The following PARD3 variants were observed in gnomAD, a reference collection of about 807,000 sequenced individuals.
The protein encoded by PARD3 is par-3 family cell polarity regulator, also known as partitioning defective 3 homolog.
In PARD3, 75 loss-of-function variants were observed where a neutral mutation model predicts 155.4. That is an observed-to-expected ratio of 0.48 (90% CI 0.40 to 0.58). PARD3 has a LOEUF of 0.58. Among genes scored for constraint, PARD3 ranks in the 20% least tolerant of loss-of-function variants. The pLI, the probability that PARD3 is intolerant of heterozygous loss-of-function variation, is 0.00. For missense variants in PARD3, 1,642 were observed against 1,721.7 expected (o/e 0.95, Z 0.82); for synonymous variants, 576 against 610.5 (o/e 0.94, Z 0.83).
At chr10:34,403,046 A>G (rs182433651) in intron 5 of PARD3, among the ~76,000 whole-genome samples, 17 of 152,336 alleles carry the variant, frequency 1.1e-4, no homozygotes, top group African/African-American at 3.8e-4. Flanking sequence ...TCCAAACACA[A>G]TGATGGAGGC....
chr10:34,744,393 T>A (rs560862650), intron 1 of PARD3, among the ~76,000 whole-genome samples: 1 of 152,368 alleles, frequency 6.6e-6, no homozygotes, highest in East Asian at 1.9e-4. Flanking sequence ...TGGTCGTTTA[T>A]GATTTACCTT....
chr10:34,725,437 G>A (rs913625222), intron 1 of PARD3, among the ~76,000 whole-genome samples: 1 of 152,098 alleles, frequency 6.6e-6, no homozygotes, highest in African/African-American at 2.4e-5. Context: ...TTCCAGGTGT[G>A]AGCCACCACG....
At chr10:34,737,398 G>A (rs1435192233) in intron 1 of PARD3, among the ~76,000 whole-genome samples, 1 of 152,200 alleles carries the variant, frequency 6.6e-6, no homozygotes, top group Non-Finnish European at 1.5e-5. Flanking sequence ...CTGAAGTGGT[G>A]CGGTTACCTC....
chr10:34,121,419 A>C (rs181877812), intron 23 of PARD3, among the ~76,000 whole-genome samples: 109 of 152,344 alleles, frequency 7.2e-4, no homozygotes, highest in South Asian at 4.3e-3. Flanking sequence ...CAACAGGCAT[A>C]GTCTGAGTGA....
intron 21 of PARD3, among the ~76,000 whole-genome samples, chr10:34,280,180 C>T (rs911452674): frequency 2.6e-5 from 4 of 152,116 alleles, no homozygotes; most frequent in African/African-American, 9.7e-5. Flanking sequence ...TTCTTTCTGT[C>T]CCTCTTTCCC....
At chr10:34,437,414 A>G (rs965613423) in intron 5 of PARD3, among the ~76,000 whole-genome samples, 2 of 152,178 alleles carry the variant, frequency 1.3e-5, no homozygotes, top group African/African-American at 4.8e-5. Flanking sequence ...ATCCATGTAC[A>G]AAAAAAGCTT....
intron 2 of PARD3, among the ~76,000 whole-genome samples, chr10:34,632,043 A>AG (rs2092294243): frequency 1.3e-5 from 2 of 152,178 alleles, no homozygotes; most frequent in African/African-American, 2.4e-5. Flanking sequence ...GCACTTTGGA[A>AG]GGGGGAGGCT....
intron 23 of PARD3, among the ~76,000 whole-genome samples, chr10:34,125,821 G>T (rs1266888885): frequency 6.6e-6 from 1 of 152,230 alleles, no homozygotes; most frequent in Non-Finnish European, 1.5e-5. Flanking sequence ...CCCAACCTGG[G>T]ATGGAAAGGA....
At chr10:34,421,583 C>T (rs1846192879) in intron 5 of PARD3, among the ~76,000 whole-genome samples, 1 of 152,066 alleles carries the variant, frequency 6.6e-6, no homozygotes, top group African/African-American at 2.4e-5. Context: ...GCCATGAACT[C>T]TTTTCCTAGC....
intron 2 of PARD3, among the ~76,000 whole-genome samples, chr10:34,656,036 G>A (rs1590437985): frequency 6.6e-6 from 1 of 152,106 alleles, no homozygotes; most frequent in Non-Finnish European, 1.5e-5. Flanking sequence ...GATGACTTGG[G>A]AATGGCTCAC....
chr10:34,642,818 G>A (rs1017929562), intron 2 of PARD3, among the ~76,000 whole-genome samples: 1 of 151,988 alleles, frequency 6.6e-6, no homozygotes, highest in Non-Finnish European at 1.5e-5. Flanking sequence ...AGACTACAGG[G>A]CCTCTTACCT....
rs528281465 is a variant in PARD3, at chr10:34,745,148, G to T, written c.121-48729C>A. 1.0e-3 allele frequency among the ~76,000 whole-genome samples: 155 copies of T among 152,280 alleles called. 1 individual carries two copies. The Middle Eastern group carries it at 0.014, about 13-fold the overall frequency. On this transcript the variant is annotated intron_variant, in intron 1 of 24. Coordinates refer to ENST00000374788, the MANE Select transcript of PARD3 (RefSeq NM_001184785.2). ...AGGCCAAGGCAGGAGGATCACTTGA[G>T]GCCAGGAGTTTGCGACCAGCTTGGG...
intron 3 of PARD3, among the ~76,000 whole-genome samples, chr10:34,482,123 C>T (rs1206188400): frequency 2.1e-5 from 3 of 145,404 alleles, no homozygotes; most frequent in Non-Finnish European, 3.0e-5. Flanking sequence ...CATCCTTGAG[C>T]TCCTGAGCTC....
intron 2 of PARD3, among the ~76,000 whole-genome samples, chr10:34,631,249 C>G (rs958677495): frequency 1.3e-5 from 2 of 152,160 alleles, no homozygotes; most frequent in African/African-American, 4.8e-5. Flanking sequence ...CTTCAACCAT[C>G]AATCCAACAT....
At chr10:34,288,496 A>C (rs1956511927) in intron 20 of PARD3, among the ~76,000 whole-genome samples, 1 of 152,166 alleles carries the variant, frequency 6.6e-6, no homozygotes, top group African/African-American at 2.4e-5. Context: ...ACCCATATTC[A>C]CCCTAATAGC....
chr10:34,786,496 G>A (rs1015680159), intron 1 of PARD3, among the ~76,000 whole-genome samples: 8 of 152,234 alleles, frequency 5.3e-5, no homozygotes, highest in African/African-American at 1.9e-4. Context: ...AGGGATGGCA[G>A]AAGTCCACTG....
chr10:34,218,627 T>C (rs1042850359), intron 22 of PARD3, among the ~76,000 whole-genome samples: 1 of 152,150 alleles, frequency 6.6e-6, no homozygotes, highest in Non-Finnish European at 1.5e-5. Context: ...AATTTTTTTT[T>C]GAAGTTTTCA....
chr10:34,767,365 G>A (rs749322318), intron 1 of PARD3, among the ~76,000 whole-genome samples: 57 of 152,148 alleles, frequency 3.7e-4, no homozygotes, highest in African/African-American at 1.2e-3. Flanking sequence ...CTGAGAACTC[G>A]CCATGTTCCT....
chr10:34,557,581 C>T (rs1304255274), intron 2 of PARD3, among the ~76,000 whole-genome samples: 5 of 152,010 alleles, frequency 3.3e-5, no homozygotes, highest in South Asian at 2.1e-4. Flanking sequence ...CAGGTTGAAG[C>T]GATTCTCTTG....
Sources: gnomAD v4.1 joint callset for allele counts (sites outside exome capture counted in the v4.1 genomes callset) on GRCh38, gnomAD v4.1.1 for gene constraint, MANE v1.5 for transcripts, NCBI Gene and HGNC (gene_info 2026-07-23, HGNC 2026-07-21) for gene names.